XKR6: variants seen among roughly 807,000 people sequenced by gnomAD.
XKR6 encodes the protein XK-related protein 6.
In XKR6, 22 loss-of-function variants were observed where a neutral mutation model predicts 56.7. The observed-to-expected ratio is 0.39, with a 90% CI of 0.28 to 0.55. The LOEUF is 0.55. XKR6 is among the 20% of genes least tolerant of loss of function. The pLI is 0.66. For synonymous variants in XKR6, 524 were observed against 387.8 expected, an observed-to-expected ratio of 1.35 and a Z score of -4.13; for missense variants, 852 against 889.0, an observed-to-expected ratio of 0.96 and a Z score of 0.53.
At chr8:11,063,814 A>G (rs1468426523) in intron 1 of XKR6, among the ~76,000 whole-genome samples, 1 of 152,254 alleles carries the variant, frequency 6.6e-6, no homozygotes, top group East Asian at 1.9e-4. Flanking sequence ...CTGGCCACAG[A>G]TACTCTCCAT....
At chr8:11,025,764 T>G (rs1489776396) in intron 1 of XKR6, among the ~76,000 whole-genome samples, 1 of 152,118 alleles carries the variant, frequency 6.6e-6, no homozygotes, top group African/African-American at 2.4e-5. Context: ...GATGAGTAAT[T>G]AGTGAAGCTC....
At chr8:10,909,055 A>T (rs1233449955) in intron 2 of XKR6, among the ~76,000 whole-genome samples, 2 of 152,132 alleles carry the variant, frequency 1.3e-5, no homozygotes, top group African/African-American at 4.8e-5. Flanking sequence ...AGTCCCAGCT[A>T]CTTGGGAGGC....
intron 2 of XKR6, among the ~76,000 whole-genome samples, chr8:10,902,801 C>A (rs1026392775): frequency 6.6e-6 from 1 of 152,212 alleles, no homozygotes; most frequent in East Asian, 1.9e-4. Context: ...GATGTGCCTG[C>A]CCCTCTCTCT....
intron 1 of XKR6, among the ~76,000 whole-genome samples, chr8:11,188,425 T>G (rs1392418840): frequency 2.0e-5 from 3 of 152,228 alleles, no homozygotes; most frequent in Non-Finnish European, 2.9e-5. Context: ...TCAGCTTCGT[T>G]TTGACAACTT....
chr8:11,000,109 T>A (rs190652574), intron 1 of XKR6, among the ~76,000 whole-genome samples: 1 of 152,098 alleles, frequency 6.6e-6, no homozygotes, highest in Non-Finnish European at 1.5e-5. Context: ...ACCCATGGGA[T>A]GAATTCTCTC....
intron 1 of XKR6, among the ~76,000 whole-genome samples, chr8:11,058,686 G>A (rs1446351697): frequency 1.3e-5 from 2 of 152,142 alleles, no homozygotes; most frequent in African/African-American, 2.4e-5. Flanking sequence ...GGAGCCTGTC[G>A]TGGGCTGGGG....
At chr8:11,110,982 G>A (rs560410616) in intron 1 of XKR6, among the ~76,000 whole-genome samples, 15 of 149,124 alleles carry the variant, frequency 1.0e-4, no homozygotes, top group East Asian at 3.9e-4. Flanking sequence ...GACTACAGGC[G>A]CCTGCCACCA....
At chr8:11,064,898 CAGA>C (rs1244637722) in intron 1 of XKR6, among the ~76,000 whole-genome samples, 3 of 152,136 alleles carry the variant, frequency 2.0e-5, no homozygotes, top group Non-Finnish European at 2.9e-5. Context: ...AAAAGGAAAA[CAGA>C]AGAAGTGACA....
At chr8:11,057,453 A>T (rs1253340282) in intron 1 of XKR6, among the ~76,000 whole-genome samples, 1 of 152,230 alleles carries the variant, frequency 6.6e-6, no homozygotes, top group Non-Finnish European at 1.5e-5. Context: ...ACGAGAAGTG[A>T]CATTTGTCCA....
chr8:10,979,623 C>A (rs896534433), intron 1 of XKR6, among the ~76,000 whole-genome samples: 1 of 152,226 alleles, frequency 6.6e-6, no homozygotes, highest in Non-Finnish European at 1.5e-5. Context: ...GGGTTGAGTG[C>A]AGCCTGGCTC....
intron 1 of XKR6, among the ~76,000 whole-genome samples, chr8:10,984,863 G>C (rs1797824880): frequency 6.6e-6 from 1 of 151,422 alleles, no homozygotes; most frequent in Admixed American, 6.6e-5. Flanking sequence ...ACATTGTAAA[G>C]TTGTTGATTC....
intron 1 of XKR6, among the ~76,000 whole-genome samples, chr8:11,052,846 C>T (rs1586481432): frequency 6.6e-6 from 1 of 152,122 alleles, no homozygotes; most frequent in South Asian, 2.1e-4. Context: ...CTCCCACTCC[C>T]GCACCCCTAG....
intron 1 of XKR6, among the ~76,000 whole-genome samples, chr8:10,985,240 T>C (rs865936572): frequency 6.6e-6 from 1 of 152,146 alleles, no homozygotes; most frequent in African/African-American, 2.4e-5. Flanking sequence ...AATTGAATCA[T>C]GGGGGCAGGT....
At chr8:11,052,027 G>A (rs1299523817) in intron 1 of XKR6, among the ~76,000 whole-genome samples, 1 of 152,058 alleles carries the variant, frequency 6.6e-6, no homozygotes, top group Non-Finnish European at 1.5e-5. Flanking sequence ...TCCCCTCAAC[G>A]CTTAGTCTTA....
chr8:11,077,907 G>C (rs543150314), intron 1 of XKR6, among the ~76,000 whole-genome samples: 1 of 152,224 alleles, frequency 6.6e-6, no homozygotes, highest in South Asian at 2.1e-4. Flanking sequence ...GCTCAATCCG[G>C]GAGCAGCCTC....
At chr8:10,899,882 A>C (rs1300558209) in intron 2 of XKR6, among the ~76,000 whole-genome samples, 2 of 152,166 alleles carry the variant, frequency 1.3e-5, no homozygotes, top group African/African-American at 4.8e-5. Flanking sequence ...TGATATTTGC[A>C]AGTAAACCAA....
chr8:11,129,158 A>G, intron 1 of XKR6: 1 of 358,660 alleles, frequency 2.8e-6, no homozygotes. Flanking sequence ...AGTGATGAAA[A>G]CATTTTGCAA....
At chr8:11,118,235 G>C (rs1799272901) in intron 1 of XKR6, among the ~76,000 whole-genome samples, 2 of 43,492 alleles carry the variant, frequency 4.6e-5, no homozygotes, top group Admixed American at 6.6e-4. Flanking sequence ...TGTCTGTCAA[G>C]GGGAAGCTGG....
intron 1 of XKR6, chr8:11,138,552 AATTAAGTGGAG>A (rs944197973): frequency 3.9e-5 from 6 of 152,248 alleles, no homozygotes; most frequent in African/African-American, 1.4e-4. Context: ...CTACTAAAAT[AATTAAGTGGAG>A]AAACCATTAA....
Sources: gnomAD v4.1 joint callset for allele counts (sites outside exome capture counted in the v4.1 genomes callset) on GRCh38, gnomAD v4.1.1 for gene constraint, MANE v1.5 for transcripts, NCBI Gene and HGNC (gene_info 2026-07-23, HGNC 2026-07-21) for gene names.